Variants in INSIG2 observed in about 807,000 individuals in gnomAD.
The protein encoded by INSIG2 is insulin induced gene 2.
In INSIG2, 10 loss-of-function variants were observed where a neutral mutation model predicts 27.2. That is an observed-to-expected ratio of 0.37 (90% CI 0.23 to 0.62). The LOEUF (loss-of-function observed/expected upper bound fraction) is 0.62, where lower values mean the gene tolerates loss of function less well. Among genes scored for constraint, INSIG2 ranks in the 20% least tolerant of loss-of-function variants. INSIG2 has a pLI of 0.65. For synonymous variants in INSIG2, 97 were observed against 95.8 expected (o/e 1.01, Z -0.07); for missense variants, 178 against 270.2 (o/e 0.66, Z 2.39).
intron 3 of INSIG2, among the ~76,000 whole-genome samples, chr2:118,105,011 G>A (rs551801740): frequency 1.3e-5 from 2 of 152,188 alleles, no homozygotes; most frequent in South Asian, 4.2e-4. Flanking sequence ...TCTAATATTA[G>A]GTTACTTAGA....
At chr2:118,105,016 C>G (rs1678638977) in intron 3 of INSIG2, among the ~76,000 whole-genome samples, 2 of 152,266 alleles carry the variant, frequency 1.3e-5, no homozygotes, top group South Asian at 4.1e-4. Flanking sequence ...TATTAGGTTA[C>G]TTAGACTTTA....
rs1309479665 is a variant in INSIG2 at position 118,103,148 on chromosome 2, G to T, written c.245-49G>T. 1.9e-6 allele frequency: 3 copies of T among 1,539,052 alleles called. No individual in the cohort carries two copies. In the East Asian group the frequency reaches 6.9e-5, roughly 36 times the overall value. Reference sequence around the variant, plus strand: ...TAGTGATTCTTTTAGCTTAAGTGTTGCCAGTACAACATTGGAGGTAACTTA... The same window carrying T: ...TAGTGATTCTTTTAGCTTAAGTGTTTCCAGTACAACATTGGAGGTAACTTA... On this transcript the variant is annotated intron_variant, in intron 2 of 5. Coordinates refer to ENST00000245787, the MANE Select transcript of INSIG2 (RefSeq NM_016133.4).
intron 1 of INSIG2, among the ~76,000 whole-genome samples, chr2:118,095,453 T>C (rs1407055923): frequency 1.3e-5 from 2 of 152,208 alleles, no homozygotes; most frequent in Non-Finnish European, 2.9e-5. Context: ...TTGCGTCACC[T>C]ATAAAATGTA....
intron 1 of INSIG2, among the ~76,000 whole-genome samples, chr2:118,093,934 AT>A (rs1191383566): frequency 4.2e-4 from 13 of 31,282 alleles, no homozygotes; most frequent in Non-Finnish European, 4.6e-4. Context: ...GATGATGATG[AT>A]GATGATGAGG....
At chr2:118,099,921 GTACCC>G in intron 2 of INSIG2, among the ~76,000 whole-genome samples, 1 of 152,234 alleles carries the variant, frequency 6.6e-6, no homozygotes, top group Non-Finnish European at 1.5e-5. Flanking sequence ...CCCTTGTATG[GTACCC>G]TCACTGCTAA....
chr2:118,093,691 AGT>A, intron 1 of INSIG2, among the ~76,000 whole-genome samples: 1 of 93,932 alleles, frequency 1.1e-5, no homozygotes, highest in African/African-American at 4.6e-5. Context: ...GGAGGAGGAG[AGT>A]TCTGTAGCTA....
At chr2:118,095,831 G>T (rs1008387546) in intron 1 of INSIG2, among the ~76,000 whole-genome samples, 1 of 152,126 alleles carries the variant, frequency 6.6e-6, no homozygotes, top group Non-Finnish European at 1.5e-5. Flanking sequence ...TCTGTGTTTG[G>T]TGTATATGTA....
intron 3 of INSIG2, 27 bp downstream of exon 3, chr2:118,103,348 AT>A: frequency 1.3e-6 from 2 of 1,580,126 alleles, no homozygotes; most frequent in Non-Finnish European, 1.7e-6. Flanking sequence ...AATGAAATGC[AT>A]AATAACAAAG....
chr2:118,096,454 G>A lies in INSIG2; in HGVS notation c.-103G>A. ...AGGTCCTACTTTAGGACAAGATGTG[G>A]TACCGTTGAAGCGTCAGTCTTTGAT... On this transcript the variant is annotated 5_prime_UTR_variant, in exon 2 of 6. An upstream open reading frame in the 5' UTR gains an earlier in-frame stop. Coordinates refer to ENST00000245787, the MANE Select transcript of INSIG2 (RefSeq NM_016133.4). The A allele has an allele frequency of 8.4e-7, 1 of 1,185,020 alleles. No homozygotes were observed. Among genetic ancestry groups the A allele is most frequent in the Non-Finnish European group, 1.2e-6 (1 of 853,476 alleles). The allele number at this position is 1,185,020 out of a possible 1,614,324, so 73.4% of individuals were successfully genotyped here.
chr2:118,104,127 A>G (rs958184630), intron 3 of INSIG2, among the ~76,000 whole-genome samples: 1 of 152,168 alleles, frequency 6.6e-6, no homozygotes, highest in African/African-American at 2.4e-5. Flanking sequence ...GGTTTAGACA[A>G]TGAAGGTGGC....
At chr2:118,108,098 T>C (rs935330476) in intron 5 of INSIG2, among the ~76,000 whole-genome samples, 183 bp from the exon 6 acceptor site, 1 of 152,200 alleles carries the variant, frequency 6.6e-6, no homozygotes, top group Admixed American at 6.5e-5. Flanking sequence ...AGAATGTGAA[T>C]TATTTTTTTC....
intron 3 of INSIG2, among the ~76,000 whole-genome samples, chr2:118,104,407 CTG>C (rs1451546558): frequency 2.0e-5 from 3 of 152,138 alleles, no homozygotes; most frequent in African/African-American, 7.2e-5. Flanking sequence ...TGTTGCAGGT[CTG>C]TGAATTTGGA....
intron 1 of INSIG2, among the ~76,000 whole-genome samples, chr2:118,093,938 TGATGAGGAGGAG>T (rs1332961236): frequency 6.5e-4 from 13 of 20,096 alleles, no homozygotes; most frequent in Non-Finnish European, 1.1e-3. Flanking sequence ...ATGATGATGA[TGATGAGGAGGAG>T]GAGGAGGAGG....
Position 118,107,412 on chromosome 2 carries a change from A to G in INSIG2, c.636+223A>G, listed in dbSNP as rs188075271. On this transcript the variant is annotated intron_variant, in intron 5 of 5. Transcript: ENST00000245787. ...CAAAATGTGTTATGGATAGGGCAAT[A>G]TGATTTATTGACCATATGGGGGATA... 5.9e-5 allele frequency among the ~76,000 whole-genome samples: 9 copies of G among 152,336 alleles called. No individual in the cohort carries two copies. The East Asian group carries it at 1.7e-3, about 29-fold the overall frequency.
At chr2:118,093,363 A>AGAT (rs759143406) in intron 1 of INSIG2, among the ~76,000 whole-genome samples, 1 of 1,462 alleles carries the variant, frequency 6.8e-4, no homozygotes, top group African/African-American at 1.1e-3. Flanking sequence ...AAAAGCAACC[A>AGAT]GATGATGATG....
chr2:118,093,288 AGATGAT>A (rs375383863), intron 1 of INSIG2, among the ~76,000 whole-genome samples: 81 of 36,858 alleles, frequency 2.2e-3, no homozygotes, highest in South Asian at 3.7e-3. Flanking sequence ...GAAAGCAACC[AGATGAT>A]GATGATGAGG....
intron 1 of INSIG2, among the ~76,000 whole-genome samples, chr2:118,092,174 A>C (rs1678267652): frequency 6.6e-6 from 1 of 152,210 alleles, no homozygotes; most frequent in Non-Finnish European, 1.5e-5. Flanking sequence ...AACAAATGAT[A>C]CGCTGTCTCA....
chr2:118,108,202 G>T, intron 5 of INSIG2, 79 bp from the exon 6 acceptor site: 1 of 915,508 alleles, frequency 1.1e-6, no homozygotes, highest in South Asian at 1.6e-5. Context: ...TTCATTTTTA[G>T]AGCTTTTCAG....
Position 118,106,960 on chromosome 2 carries a change from C to T in INSIG2, c.536+57C>T, listed in dbSNP as rs1392674063. 34 of 1,572,242 alleles carry T rather than the reference C, an allele frequency of 2.2e-5. No individual in the cohort carries two copies. In the Middle Eastern group the frequency reaches 2.0e-3, roughly 93 times the overall value. The stretch of plus-strand genomic sequence containing the variant: ...GTTTGCTAGATAAATAAATGATAAC[C>T]GCTTTCAGAATTGAGATTATGAAAT... On this transcript the variant is annotated intron_variant, in intron 4 of 5. Coordinates refer to ENST00000245787, the MANE Select transcript of INSIG2 (RefSeq NM_016133.4).
Sources: gnomAD v4.1 joint callset for allele counts (sites outside exome capture counted in the v4.1 genomes callset) on GRCh38, gnomAD v4.1.1 for gene constraint, MANE v1.5 for transcripts, NCBI Gene and HGNC (gene_info 2026-07-23, HGNC 2026-07-21) for gene names.